Variants in PEX14 observed in about 807,000 individuals in gnomAD.
The protein encoded by PEX14 is peroxisomal membrane protein PEX14.
In PEX14, 15 loss-of-function variants were observed where a neutral mutation model predicts 49.5. That is an observed-to-expected ratio of 0.30 (90% confidence interval 0.20 to 0.47). PEX14 has a LOEUF of 0.47. PEX14 is among the 20% of genes least tolerant of loss of function. PEX14 has a pLI of 1.00. For missense variants in PEX14, 398 were observed against 494.8 expected (o/e 0.80, Z 1.86); for synonymous variants, 210 against 212.7 (o/e 0.99, Z 0.11).
rs1193934602 is a variant in PEX14, at chr1:10,628,292, G to A, written c.677+929G>A. On this transcript the variant is annotated intron_variant, in intron 8 of 8. Coordinates refer to ENST00000356607, the MANE Select transcript of PEX14 (RefSeq NM_004565.3). The surrounding 1 kb of genome is among the most constrained non-coding windows in gnomAD (Gnocchi z 4.5). ...CAGGAGCCACTCTGTCCTGGGAGCC[G>A]CAACTGTGGGCCATCCTCCTGGGCT... Among the ~76,000 whole-genome samples, 2 of 152,244 alleles carry A rather than the reference G, an allele frequency of 1.3e-5. No homozygotes were observed. The highest frequency in any genetic ancestry group is 4.8e-5 in the African/African-American group (2 of 41,456).
intron 1 of PEX14, among the ~76,000 whole-genome samples, chr1:10,475,372 G>A (rs1641177255): frequency 6.6e-6 from 1 of 152,184 alleles, no homozygotes; most frequent in African/African-American, 2.4e-5. Flanking sequence ...GTTCCCGGCT[G>A]TCCCCTCCGG....
Position 10,537,351 on chromosome 1 carries a change from C to A in PEX14, c.169+1054C>A, listed in dbSNP as rs936633451. On this transcript the variant is annotated intron_variant, in intron 3 of 8. Transcript: ENST00000356607. ...CTGCATTGTGCCAGCACCCCCCCCCCCCGCCATCATTAGGAGATTATTAAA... is the reference window on the plus strand; with the variant it reads ...CTGCATTGTGCCAGCACCCCCCCCCACCGCCATCATTAGGAGATTATTAAA... Among the ~76,000 whole-genome samples the A allele has an allele frequency of 9.3e-5, 9 of 96,598 alleles. 1 individual carries two copies. The highest frequency in any genetic ancestry group is 4.5e-4 in the Admixed American group (5 of 11,118). The allele number at this position is 96,598 out of a possible 152,430, so 63.4% of individuals were successfully genotyped here.
At position 10,536,267 on chromosome 1, in the gene PEX14, G is replaced by A. The variant is rs1638799782; in HGVS notation, c.139G>A (p.Ala47Thr). The A allele has an allele frequency of 6.2e-7, 1 of 1,610,488 alleles. No homozygotes were observed. Among genetic ancestry groups the A allele is most frequent in the Non-Finnish European group, 8.5e-7 (1 of 1,176,784 alleles). ...TTCCCGGGTCCGCCAGAGCCCACTT[G>A]CAACCAGGAGAGCATTCCTAAAGAA... ...QNSRVRQSPL[A>T]TRRAFLKKKG... The change falls in exon 3 of 9, where the codon GCA (alanine) becomes ACA (threonine). Residue 47 changes from alanine to threonine, a missense_variant. By Grantham distance (58) the Ala-to-Thr change is moderately conservative. Around this residue, in one of 3 missense-constraint regions of PEX14, gnomAD observed 202 missense variants for 298.5 expected, o/e 0.68. Transcript: ENST00000356607.
rs981741208 is a variant in PEX14 at position 10,628,401 on chromosome 1, A to T, written c.677+1038A>T. ...GGGAGCTGGGTGAGTGGGAGGGTGCAGGTGGGCTTTTCACTAGGGTCCAGG... is the reference window on the plus strand; with the variant it reads ...GGGAGCTGGGTGAGTGGGAGGGTGCTGGTGGGCTTTTCACTAGGGTCCAGG... On this transcript the variant is annotated intron_variant, in intron 8 of 8. Transcript: ENST00000356607. This position sits in a 1 kb window ranked among gnomAD's most constrained non-coding sequence, Gnocchi z 4.5. Among the ~76,000 whole-genome samples, 2 of 152,222 alleles carry T rather than the reference A, an allele frequency of 1.3e-5. No homozygotes were observed. Among genetic ancestry groups the T allele is most frequent in the African/African-American group, 2.4e-5 (1 of 41,462 alleles).
intron 3 of PEX14, among the ~76,000 whole-genome samples, chr1:10,575,533 C>T (rs564174846): frequency 6.6e-6 from 1 of 152,114 alleles, no homozygotes; most frequent in Non-Finnish European, 1.5e-5. Context: ...AATCACATAG[C>T]CCCTGCTTCT....
intron 2 of PEX14, among the ~76,000 whole-genome samples, chr1:10,525,677 G>A (rs550232262): frequency 2.6e-5 from 4 of 152,302 alleles, no homozygotes; most frequent in South Asian, 2.1e-4. Context: ...CCAGGCTGGA[G>A]TGCAATGGCG....
intron 1 of PEX14, among the ~76,000 whole-genome samples, chr1:10,482,736 C>T (rs773974321): frequency 6.6e-5 from 10 of 152,096 alleles, no homozygotes; most frequent in Admixed American, 1.3e-4. Flanking sequence ...CTGGCCTGAG[C>T]CATTCTACTT....
intron 3 of PEX14, among the ~76,000 whole-genome samples, chr1:10,576,567 A>G (rs913630491): frequency 2.0e-5 from 3 of 152,156 alleles, no homozygotes; most frequent in African/African-American, 4.8e-5. Flanking sequence ...GTGTGAAGCG[A>G]AGCTCCTTTC....
At chr1:10,480,674 G>A (rs1021779753) in intron 1 of PEX14, among the ~76,000 whole-genome samples, 5 of 152,058 alleles carry the variant, frequency 3.3e-5, no homozygotes, top group African/African-American at 1.2e-4. Context: ...GGGATTACAG[G>A]TGTGAGCCTG....
intron 1 of PEX14, among the ~76,000 whole-genome samples, chr1:10,483,855 C>T (rs565247041): frequency 5.3e-5 from 8 of 151,722 alleles, no homozygotes; most frequent in African/African-American, 1.9e-4. Context: ...GAATCCTTGC[C>T]TGTGGTCCTA....
At chr1:10,602,889 C>T (rs549886271) in intron 4 of PEX14, among the ~76,000 whole-genome samples, 2 of 152,308 alleles carry the variant, frequency 1.3e-5, no homozygotes, top group Admixed American at 1.3e-4. Flanking sequence ...CCCCGGCAGC[C>T]TTTTCCTTCC....
chr1:10,617,228 C>G (rs1232563062), intron 4 of PEX14: 1 of 152,286 alleles, frequency 6.6e-6, no homozygotes, highest in Admixed American at 6.5e-5. Context: ...CATTGCCCCA[C>G]TCCCTTCTTG....
chr1:10,625,194 C>T (rs1196046949), intron 7 of PEX14, among the ~76,000 whole-genome samples: 1 of 152,186 alleles, frequency 6.6e-6, no homozygotes, highest in Non-Finnish European at 1.5e-5. Context: ...CGCAGGATTG[C>T]AGGCCTAGGT....
intron 3 of PEX14, among the ~76,000 whole-genome samples, chr1:10,583,731 G>A (rs1409434894): frequency 1.3e-5 from 2 of 152,054 alleles, no homozygotes; most frequent in East Asian, 1.9e-4. Flanking sequence ...GTTTGGAAAG[G>A]CCCCTCTAAG....
chr1:10,627,045 A>G (rs936748522), intron 7 of PEX14, among the ~76,000 whole-genome samples: 2 of 152,222 alleles, frequency 1.3e-5, no homozygotes, highest in African/African-American at 4.8e-5. Flanking sequence ...AAAACACGTA[A>G]TGATTCCTTA....
chr1:10,562,902 TTTTC>T (rs573773390), intron 3 of PEX14, among the ~76,000 whole-genome samples: 63 of 136,644 alleles, frequency 4.6e-4, no homozygotes, highest in African/African-American at 1.4e-3. Flanking sequence ...GATTTTCTTT[TTTTC>T]TTTCTTTCTT....
At chr1:10,624,570 G>A (rs745774720) in intron 7 of PEX14, 133 bp downstream of exon 7, 27 of 706,346 alleles carry the variant, frequency 3.8e-5, no homozygotes, top group South Asian at 1.0e-4. Flanking sequence ...TTACACAGCC[G>A]TGGCCGATGC....
At chr1:10,528,331 C>T (rs759266987) in intron 2 of PEX14, 33 of 978,154 alleles carry the variant, frequency 3.4e-5, no homozygotes, top group Non-Finnish European at 4.0e-5. Flanking sequence ...AGCAGGGTTT[C>T]ATCTGCTGAG....
rs1194059477 is a variant in PEX14, at chr1:10,629,995, C to A, written c.*8C>A. On this transcript the variant is annotated 3_prime_UTR_variant, in exon 9 of 9. Transcript: ENST00000356607. This position sits in a 1 kb window ranked among gnomAD's most constrained non-coding sequence, Gnocchi z 8.5. ...GAGAGTGAGCGGGACTAGGGCTGCG[C>A]CTGCTGCCTCCAGCCCTGAGGATGG... The A allele has an allele frequency of 6.2e-7, 1 of 1,607,362 alleles. No individual in the cohort carries two copies. The highest frequency in any genetic ancestry group is 8.5e-7 in the Non-Finnish European group (1 of 1,179,382).
Sources: gnomAD v4.1 joint callset for allele counts (sites outside exome capture counted in the v4.1 genomes callset) on GRCh38, gnomAD v4.1.1 for gene constraint, gnomAD v4.1.1 regional missense constraint, Gnocchi (gnomAD v3.1) non-coding constraint, MANE v1.5 for transcripts, NCBI Gene and HGNC (gene_info 2026-07-23, HGNC 2026-07-21) for gene names.